The following EFCAB11 variants were observed in gnomAD, a reference collection of about 807,000 sequenced individuals.
EFCAB11 encodes the protein EF-hand calcium binding domain 11.
A neutral mutation model predicts 23.0 loss-of-function variants in EFCAB11; 14 were observed. The observed-to-expected ratio is 0.61, with a 90% CI of 0.40 to 0.95. The LOEUF (loss-of-function observed/expected upper bound fraction) is 0.95. Among genes scored for constraint, EFCAB11 ranks in the 40% least tolerant of loss-of-function variants. EFCAB11 has a pLI of 0.00. For synonymous variants in EFCAB11, 65 were observed against 66.6 expected (o/e 0.98, Z 0.11); for missense variants, 198 against 195.8 (o/e 1.01, Z -0.07).
At chr14:89,801,601 G>A (rs1885783138) in intron 5 of EFCAB11, among the ~76,000 whole-genome samples, 1 of 152,154 alleles carries the variant, frequency 6.6e-6, no homozygotes, top group African/African-American at 2.4e-5. Context: ...GATGACACAG[G>A]ATACATTCCA....
chr14:89,891,034 T>C (rs1888948229), intron 5 of EFCAB11, among the ~76,000 whole-genome samples: 1 of 152,228 alleles, frequency 6.6e-6, no homozygotes, highest in African/African-American at 2.4e-5. Context: ...CCTGGGATCC[T>C]AGGTCTAAAC....
At position 89,898,612 on chromosome 14, in the gene EFCAB11, A is replaced by C. The variant is rs1596441427; in HGVS notation, c.410+32929T>G. On this transcript the variant is annotated intron_variant, in intron 5 of 5. Coordinates refer to ENST00000316738, the MANE Select transcript of EFCAB11 (RefSeq NM_145231.4). ...ACTCCTGGTGTCAAGTGATCCACCC[A>C]CCTTGGCCTCCCAAAGTGCTGGGAT... Among the ~76,000 whole-genome samples, 5 of 143,144 alleles carry C rather than the reference A, an allele frequency of 3.5e-5. No individual in the cohort carries two copies. The East Asian group carries it at 6.2e-4, about 18-fold the overall frequency. 93.9% of individuals were successfully genotyped at this position (143,144 alleles called of 152,430 possible).
chr14:89,878,875 A>G (rs2048399080), intron 5 of EFCAB11, among the ~76,000 whole-genome samples: 1 of 151,776 alleles, frequency 6.6e-6, no homozygotes, highest in Non-Finnish European at 1.5e-5. Flanking sequence ...TCTTTTCCAT[A>G]GTTCCTTTTT....
intron 5 of EFCAB11, among the ~76,000 whole-genome samples, chr14:89,820,255 T>C (rs958957796): frequency 2.0e-5 from 3 of 152,134 alleles, no homozygotes; most frequent in Non-Finnish European, 1.5e-5. Context: ...AGCATGCTTG[T>C]TTTTTAGAGG....
chr14:89,945,931 T>A (rs140771116), intron 3 of EFCAB11, among the ~76,000 whole-genome samples: 6,096 of 151,526 alleles, frequency 0.04, 183 homozygotes, highest in Non-Finnish European at 0.058. Flanking sequence ...TTTTATTTTT[T>A]TTTTTGAGAC....
intron 5 of EFCAB11, among the ~76,000 whole-genome samples, chr14:89,887,124 C>A (rs532098159): frequency 6.6e-6 from 1 of 152,296 alleles, no homozygotes; most frequent in East Asian, 1.9e-4. Flanking sequence ...AACATCACTG[C>A]TCTCATGAAG....
chr14:89,840,479 T>C (rs535146537), intron 5 of EFCAB11, among the ~76,000 whole-genome samples: 1 of 152,360 alleles, frequency 6.6e-6, no homozygotes, highest in African/African-American at 2.4e-5. Flanking sequence ...GTTCAAGTCT[T>C]AGGAGGCATC....
intron 5 of EFCAB11, among the ~76,000 whole-genome samples, chr14:89,820,295 A>G (rs1886468371): frequency 6.6e-6 from 1 of 152,150 alleles, no homozygotes; most frequent in Non-Finnish European, 1.5e-5. Context: ...AGCTCTCTCC[A>G]AAGGAGTTGG....
chr14:89,927,255 T>C (rs1890223754), intron 5 of EFCAB11, among the ~76,000 whole-genome samples: 1 of 152,230 alleles, frequency 6.6e-6, no homozygotes, highest in African/African-American at 2.4e-5. Flanking sequence ...GGGCAAGTAC[T>C]TCCGAAAGAG....
At chr14:89,826,090 T>C (rs1886681218) in intron 5 of EFCAB11, among the ~76,000 whole-genome samples, 2 of 152,200 alleles carry the variant, frequency 1.3e-5, no homozygotes, top group African/African-American at 2.4e-5. Flanking sequence ...CTCTCTCATA[T>C]ACATATATAT....
intron 5 of EFCAB11, among the ~76,000 whole-genome samples, chr14:89,855,884 T>C (rs1321531142): frequency 6.6e-6 from 1 of 152,200 alleles, no homozygotes; most frequent in Non-Finnish European, 1.5e-5. Context: ...CATGCAATAT[T>C]TGGCTTTCTG....
chr14:89,800,612 A>C (rs1885744772), intron 5 of EFCAB11, among the ~76,000 whole-genome samples: 1 of 152,258 alleles, frequency 6.6e-6, no homozygotes, highest in Non-Finnish European at 1.5e-5. Flanking sequence ...GTTTATGCAG[A>C]TGTAAAAGAG....
At chr14:89,923,579 T>C in intron 5 of EFCAB11, 1 of 683,300 alleles carries the variant, frequency 1.5e-6, no homozygotes, top group Non-Finnish European at 1.8e-6. Flanking sequence ...AAGGTATAGC[T>C]GATGACTGTT....
In EFCAB11 at chr14:89,855,291, C is replaced by T. The variant is rs1887718665; in HGVS notation, c.411-57967G>A. 5.9e-5 allele frequency among the ~76,000 whole-genome samples: 9 copies of T among 151,928 alleles called. No homozygotes were observed. The East Asian group carries it at 7.7e-4, about 13-fold the overall frequency. On this transcript the variant is annotated intron_variant, in intron 5 of 5. Transcript: ENST00000316738. ...AGAACTTCAAGACCAGCCTGGGCAA[C>T]GTGGCGAAACCCCATCTCTACAAAA...
intron 5 of EFCAB11, among the ~76,000 whole-genome samples, chr14:89,884,598 AAAG>A (rs1200180957): frequency 3.4e-4 from 52 of 152,242 alleles, no homozygotes; most frequent in Non-Finnish European, 1.5e-5. Context: ...AAGAATTGGA[AAAG>A]AAGAAATAAA....
chr14:89,928,016 C>G (rs192375005), intron 5 of EFCAB11, among the ~76,000 whole-genome samples: 34 of 152,308 alleles, frequency 2.2e-4, no homozygotes, highest in Admixed American at 1.3e-3. Context: ...AGCCACCATG[C>G]CTGACCGTGT....
intron 1 of EFCAB11, chr14:89,954,239 A>T: frequency 8.3e-7 from 1 of 1,208,386 alleles, no homozygotes; most frequent in South Asian, 1.3e-5. Context: ...AGGTGACGCA[A>T]ATTAATTCAT....
chr14:89,901,917 C>T (rs1013535838), intron 5 of EFCAB11, among the ~76,000 whole-genome samples: 2 of 151,952 alleles, frequency 1.3e-5, no homozygotes, highest in Non-Finnish European at 2.9e-5. Context: ...ATTGGGCATG[C>T]TCAACCAGTA....
intron 5 of EFCAB11, among the ~76,000 whole-genome samples, chr14:89,866,276 C>T (rs2140156826): frequency 6.6e-6 from 1 of 152,214 alleles, no homozygotes; most frequent in East Asian, 1.9e-4. Flanking sequence ...CCTTCTGTTC[C>T]CTTCAGATCT....
Sources: allele counts gnomAD v4.1 joint callset (sites outside exome capture counted in the v4.1 genomes callset), GRCh38; gene constraint gnomAD v4.1.1; transcripts MANE v1.5; gene names NCBI Gene and HGNC (gene_info 2026-07-23, HGNC 2026-07-21).